The following EFCAB8 variants were observed in gnomAD, a reference collection of about 807,000 sequenced individuals.
EFCAB8 encodes the protein EF-hand calcium-binding domain-containing protein 8.
Under a neutral mutation model 116.3 loss-of-function variants are expected in EFCAB8, and 100 were observed. That is an observed-to-expected ratio of 0.86 (90% confidence interval 0.73 to 1.02). EFCAB8 has a LOEUF of 1.02. Among genes scored for constraint, EFCAB8 ranks in the 50% least tolerant of loss-of-function variants. The pLI, the probability that EFCAB8 is intolerant of heterozygous loss-of-function variation, is 0.00. For missense variants in EFCAB8, 1,320 were observed against 1,416.9 expected (o/e 0.93, Z 1.10); for synonymous variants, 558 against 567.9 (o/e 0.98, Z 0.25).
intron 3 of EFCAB8, among the ~76,000 whole-genome samples, chr20:32,874,849 C>A (rs1055167162): frequency 6.6e-6 from 1 of 151,394 alleles, no homozygotes; most frequent in Non-Finnish European, 1.5e-5. Context: ...TGGATTCAAG[C>A]GATTCTCCTG....
intron 11 of EFCAB8, 55 bp downstream of exon 11, chr20:32,898,678 G>A (rs1170325184): frequency 8.5e-6 from 6 of 705,936 alleles, no homozygotes; most frequent in Admixed American, 8.0e-5. Flanking sequence ...GAGGGGGGTG[G>A]TGAGTGGACC....
At chr20:32,925,933 G>T (rs1987651642) in intron 20 of EFCAB8, among the ~76,000 whole-genome samples, 1 of 152,234 alleles carries the variant, frequency 6.6e-6, no homozygotes, top group African/African-American at 2.4e-5. Flanking sequence ...TGGATGCAGA[G>T]TGCAAAAGGA....
At chr20:32,920,041 C>G in intron 19 of EFCAB8, 37 bp from the exon 20 acceptor site, 1 of 1,551,654 alleles carries the variant, frequency 6.4e-7, no homozygotes, top group Non-Finnish European at 8.7e-7. Flanking sequence ...AAGGGAAACA[C>G]CCTCATGGTG....
intron 4 of EFCAB8, 84 bp downstream of exon 4, chr20:32,876,128 G>A: frequency 8.3e-7 from 1 of 1,202,466 alleles, no homozygotes; most frequent in Non-Finnish European, 1.2e-6. Flanking sequence ...GCTGAAGATG[G>A]GAGGCCATCA....
chr20:32,889,949 T>C (rs34806638), intron 7 of EFCAB8, among the ~76,000 whole-genome samples: 87,151 of 148,820 alleles, frequency 0.59, 26,955 homozygotes, highest in Middle Eastern at 0.73. Flanking sequence ...TGCAGTAAGC[T>C]GAGATCGCGC....
chr20:32,945,889 C>G (rs1228865173), intron 23 of EFCAB8, among the ~76,000 whole-genome samples: 4 of 152,236 alleles, frequency 2.6e-5, no homozygotes, highest in Admixed American at 1.3e-4. Context: ...ATCTCTTGCT[C>G]TCTCTGGTGT....
intron 22 of EFCAB8, among the ~76,000 whole-genome samples, chr20:32,943,125 G>A (rs1988456296): frequency 6.6e-6 from 1 of 152,092 alleles, no homozygotes; most frequent in African/African-American, 2.4e-5. Context: ...TCACCCCATT[G>A]CTCACCCTAT....
intron 13 of EFCAB8, among the ~76,000 whole-genome samples, chr20:32,907,561 A>AG (rs1182655572): frequency 2.0e-5 from 3 of 152,024 alleles, no homozygotes; most frequent in Non-Finnish European, 4.4e-5. Context: ...GCCCTCCTTT[A>AG]GGGGACAGGT....
rs184933627 is a variant in EFCAB8 at position 32,938,626 on chromosome 20, A to G, written c.2791-5010A>G. ...ATAAATATACAAAACCAATATATTT[A>G]TATACACTAGCAATAAACAATCTGA... is the stretch of plus-strand genomic sequence containing the variant. On this transcript the variant is annotated intron_variant, in intron 22 of 26. Coordinates refer to ENST00000400522, the MANE Select transcript of EFCAB8 (RefSeq NM_001143967.2). 3.1e-4 allele frequency among the ~76,000 whole-genome samples: 46 copies of G among 150,104 alleles called. 1 individual carries two copies. Among genetic ancestry groups the G allele is most frequent in the Admixed American group, 4.6e-4 (7 of 15,158 alleles).
intron 6 of EFCAB8, among the ~76,000 whole-genome samples, chr20:32,886,536 A>G (rs1417190771): frequency 1.3e-5 from 2 of 152,092 alleles, no homozygotes; most frequent in Non-Finnish European, 2.9e-5. Flanking sequence ...TCCTTTGGGG[A>G]AGAAGAGGCC....
intron 11 of EFCAB8, among the ~76,000 whole-genome samples, chr20:32,901,559 G>A (rs1480748759): frequency 1.4e-5 from 2 of 145,844 alleles, no homozygotes; most frequent in African/African-American, 5.6e-5. Context: ...CGGGCCTGCT[G>A]CCTTCCTGAC....
intron 3 of EFCAB8, among the ~76,000 whole-genome samples, chr20:32,870,002 G>A (rs979297786): frequency 2.0e-5 from 3 of 152,144 alleles, no homozygotes; most frequent in Non-Finnish European, 4.4e-5. Context: ...TAATACTCCT[G>A]TAAGTCAAAT....
chr20:32,859,550 C>A (rs1983996528), intron 1 of EFCAB8, among the ~76,000 whole-genome samples: 3 of 152,154 alleles, frequency 2.0e-5, no homozygotes, highest in African/African-American at 4.8e-5. Context: ...CCACTTTCTC[C>A]TGGTGAAAGA....
chr20:32,860,493 CTTTTTTTTTTTTTTT>C (rs71190881), intron 1 of EFCAB8, among the ~76,000 whole-genome samples: 58 of 83,962 alleles, frequency 6.9e-4, no homozygotes, highest in South Asian at 7.8e-4. Context: ...ATGGTGGTAA[CTTTTTTTTTTTTTTT>C]TTTTTTTTTT....
rs748499161 is a variant in EFCAB8, at chr20:32,878,697, GA to G, written c.328-6del. The G allele has an allele frequency of 6.4e-7, 1 of 1,551,000 alleles. No individual in the cohort carries two copies. On this transcript the variant is annotated splice_polypyrimidine_tract_variant and splice_region_variant and intron_variant, in intron 4 of 26. Transcript: ENST00000400522. ...CCCTGCCTCCCTTGTGCTTTCTTTCGAGGCAGCAAAAGTATGTGGATTACAT... is the reference window on the plus strand; with the variant it reads ...CCCTGCCTCCCTTGTGCTTTCTTTCGGGCAGCAAAAGTATGTGGATTACAT...
In EFCAB8 at chr20:32,918,256, C is replaced by T; in HGVS notation, c.2062-106C>T. On this transcript the variant is annotated intron_variant, in intron 18 of 26. Transcript: ENST00000400522. ...GGGGCTAGGTTTCTGGGAAGCAAGC[C>T]CTGGGGGGCTGGAGGGCCCTGTGGT... 4.3e-6 allele frequency: 5 copies of T among 1,167,972 alleles called. No individual in the cohort carries two copies. The South Asian group carries it at 4.4e-5, about 10-fold the overall frequency. 72.4% of individuals were successfully genotyped at this position (1,167,972 alleles called of 1,614,324 possible).
chr20:32,908,528 C>T (rs113894602), intron 14 of EFCAB8, 116 bp downstream of exon 14: 29,512 of 1,114,928 alleles, frequency 0.026, 489 homozygotes, highest in East Asian at 0.082. Context: ...ACTGCTGAAG[C>T]GGCTAGACTC....
intron 5 of EFCAB8, among the ~76,000 whole-genome samples, chr20:32,882,292 A>G (rs896314896): frequency 2.6e-5 from 4 of 152,116 alleles, no homozygotes; most frequent in Non-Finnish European, 4.4e-5. Context: ...AGCCCTCCAA[A>G]CAGAATATCG....
At chr20:32,868,484 A>G (rs1389981476) in intron 3 of EFCAB8, among the ~76,000 whole-genome samples, 1 of 152,230 alleles carries the variant, frequency 6.6e-6, no homozygotes, top group Non-Finnish European at 1.5e-5. Context: ...TAGTCCAAAT[A>G]CCCACATGTA....
Sources: allele counts gnomAD v4.1 joint callset (sites outside exome capture counted in the v4.1 genomes callset), GRCh38; gene constraint gnomAD v4.1.1; transcripts MANE v1.5; gene names NCBI Gene and HGNC (gene_info 2026-07-23, HGNC 2026-07-21).